Variants in UGT1A5 observed in about 807,000 individuals in gnomAD.
The protein encoded by UGT1A5 is UDP glucuronosyltransferase family 1 member A5.
Under a neutral mutation model 40.3 loss-of-function variants are expected in UGT1A5, and 29 were observed. The ratio of observed to expected loss-of-function variants is 0.72; its 90% CI spans 0.54 to 0.98. UGT1A5 has a LOEUF of 0.98. Ranked by LOEUF, UGT1A5 falls within the 50% of genes least tolerant of loss-of-function variation. UGT1A5 has a pLI of 0.00. For synonymous variants in UGT1A5, 257 were observed against 262.5 expected (o/e 0.98, Z 0.20); for missense variants, 678 against 677.9 (o/e 1.00, Z 0.00).
At chr2:233,758,509 A>G (rs1575759497) in intron 1 of UGT1A5, among the ~76,000 whole-genome samples, 1 of 152,232 alleles carries the variant, frequency 6.6e-6, no homozygotes, top group Non-Finnish European at 1.5e-5. Context: ...TAATAAGGAC[A>G]CAACAAAGAG....
chr2:233,747,775 C>G (rs1325525681), intron 1 of UGT1A5: 1 of 1,613,320 alleles, frequency 6.2e-7, no homozygotes, highest in Non-Finnish European at 8.5e-7. Context: ...ACACAGTGTC[C>G]AAATCCTTCC....
chr2:233,728,626 G>A (rs1336617432), intron 1 of UGT1A5, among the ~76,000 whole-genome samples: 2 of 152,180 alleles, frequency 1.3e-5, no homozygotes, highest in Admixed American at 6.5e-5. Flanking sequence ...GAGAAAGCTG[G>A]CTTAGCAATG....
chr2:233,731,410 T>C (rs2078155663), intron 1 of UGT1A5, among the ~76,000 whole-genome samples: 1 of 152,132 alleles, frequency 6.6e-6, no homozygotes. Flanking sequence ...ACATTAGGTA[T>C]TTTTCCTAAT....
intron 1 of UGT1A5, chr2:233,747,078 A>G (rs1246065129): frequency 1.2e-5 from 13 of 1,085,828 alleles, no homozygotes; most frequent in Admixed American, 7.9e-5. Context: ...ATAATTAACT[A>G]GGAGGAGAGC....
At chr2:233,772,118 A>G (rs186997429) in intron 4 of UGT1A5, 144 bp from the exon 5 acceptor site, 177 of 1,520,864 alleles carry the variant, frequency 1.2e-4, no homozygotes, top group Non-Finnish European at 1.4e-4. Flanking sequence ...GTATCTAAAA[A>G]CAACAACAAC....
At chr2:233,743,729 T>C (rs767611267) in intron 1 of UGT1A5, 12 of 1,367,246 alleles carry the variant, frequency 8.8e-6, no homozygotes, top group South Asian at 2.3e-5. Flanking sequence ...GTCATAGATA[T>C]CGCGTTTCTT....
intron 4 of UGT1A5, 67 bp from the exon 5 acceptor site, chr2:233,772,195 G>A (rs1700480706): frequency 1.9e-6 from 3 of 1,602,230 alleles, no homozygotes; most frequent in Non-Finnish European, 2.6e-6. Flanking sequence ...AAGCAGCCAT[G>A]AGCATAAAGA....
chr2:233,713,308 T>A lies in UGT1A5; in HGVS notation c.317T>A (p.Leu106His). 1 of 1,614,228 alleles carries A rather than the reference T, an allele frequency of 6.2e-7. No individual in the cohort carries two copies. Among genetic ancestry groups the A allele is most frequent in the Non-Finnish European group, 8.5e-7 (1 of 1,180,030 alleles). ...HTQSFFETEH[L>H]LMKFSRRMAI... ...CAATCGTTCTTTGAAACAGAACATC[T>A]TCTGATGAAATTTTCTAGAAGAATG... Residue 106 changes from leucine (L) to histidine (H), a missense_variant, in exon 1 of 5, where the codon CTT becomes CAT. Coordinates refer to ENST00000373414, the MANE Select transcript of UGT1A5 (RefSeq NM_019078.2).
chr2:233,729,068 AG>A, intron 1 of UGT1A5: 1 of 1,611,394 alleles, frequency 6.2e-7, no homozygotes, highest in Non-Finnish European at 8.5e-7. Context: ...AGATGAAGAA[AG>A]CAAATGTAGC....
chr2:233,743,834 A>G lies in UGT1A5; in HGVS notation c.868-23200A>G, dbSNP rs1692538057. 1 of 1,366,970 alleles carries G rather than the reference A, an allele frequency of 7.3e-7. No homozygotes were observed. Among genetic ancestry groups the G allele is most frequent in the South Asian group, 1.1e-5 (1 of 88,054 alleles). The allele number at this position is 1,366,970 out of a possible 1,614,324, so 84.7% of individuals were successfully genotyped here. On this transcript the variant is annotated intron_variant, in intron 1 of 4. Coordinates refer to ENST00000373414, the MANE Select transcript of UGT1A5 (RefSeq NM_019078.2). ...AGGGTTTTTGTCGGGGTGCCACTTG[A>G]GCGCCAGCTTGCGGTACGCCTTCTT...
rs1700546112 is a variant in UGT1A5 at position 233,772,763 on chromosome 2, C to T, written c.*204C>T. ...TAAAGATATTTGAATATGTATCGTGCCCCCTCTGGTGTCTTTGATCAGGAT... is the reference window on the plus strand; with the variant it reads ...TAAAGATATTTGAATATGTATCGTGTCCCCTCTGGTGTCTTTGATCAGGAT... On this transcript the variant is annotated 3_prime_UTR_variant, in exon 5 of 5. Transcript: ENST00000373414. 1 of 1,384,392 alleles carries T rather than the reference C, an allele frequency of 7.2e-7. No individual in the cohort carries two copies. Among genetic ancestry groups the T allele is most frequent in the South Asian group, 1.5e-5 (1 of 65,502 alleles). The allele number at this position is 1,384,392 out of a possible 1,614,324, so 85.8% of individuals were successfully genotyped here. A position where few individuals can be genotyped will look rare whatever the true frequency, so the allele number is the denominator to read the frequency against.
intron 1 of UGT1A5, chr2:233,756,051 T>C (rs1176679443): frequency 6.6e-6 from 1 of 152,238 alleles, no homozygotes; most frequent in Non-Finnish European, 1.5e-5. Context: ...AAAACTCCAC[T>C]GTACACTTGT....
At position 233,713,131 on chromosome 2, in the gene UGT1A5, C is replaced by T. The variant is rs550853040; in HGVS notation, c.140C>T (p.Ala47Val). ...DGSHWLSMRE[A>V]LRDLHARGHQ... ...AGCCACTGGCTCAGCATGCGGGAGGCCTTGCGGGACCTCCATGCGAGAGGC... is the reference window on the plus strand; with the variant it reads ...AGCCACTGGCTCAGCATGCGGGAGGTCTTGCGGGACCTCCATGCGAGAGGC... The change falls in exon 1 of 5, where the codon GCC becomes GTC. Residue 47 changes from alanine to valine, a missense_variant. By Grantham distance (64) the Ala-to-Val change is moderately conservative (BLOSUM62 0). Transcript: ENST00000373414. The T allele has an allele frequency of 2.1e-4, 341 of 1,613,802 alleles. 2 individuals carry two copies. The South Asian group carries it at 3.5e-3, about 17-fold the overall frequency.
At chr2:233,746,445 G>GA (rs776336389) in intron 1 of UGT1A5, among the ~76,000 whole-genome samples, 23 of 151,700 alleles carry the variant, frequency 1.5e-4, no homozygotes, top group Non-Finnish European at 2.9e-4. Flanking sequence ...AGCTTAAAAA[G>GA]AAAGTACCTT....
rs17868333 is a variant in UGT1A5 at position 233,713,636 on chromosome 2, C to T, written c.645C>T (p.Leu215=). Residue 215 remains leucine, a synonymous_variant, in exon 1 of 5, where the codon CTC becomes CTT. Coordinates refer to ENST00000373414, the MANE Select transcript of UGT1A5 (RefSeq NM_019078.2). ...TCCTGCAAAGGGTCAAGAACATGCT[C>T]TACCCTCTGGCCCTGTCCTACCTTT... ...MTFLQRVKNM[L]YPLALSYLCH... is the part of the protein sequence containing the mutation. The T allele has an allele frequency of 0.098, 157,928 of 1,613,758 alleles. 8,751 individuals are homozygous for T. The highest frequency in any genetic ancestry group is 0.2 in the South Asian group (17,771 of 91,048).
intron 1 of UGT1A5, among the ~76,000 whole-genome samples, chr2:233,756,939 C>G (rs1402557459): frequency 1.3e-5 from 2 of 151,990 alleles, no homozygotes; most frequent in African/African-American, 4.8e-5. Flanking sequence ...GTTACATAAC[C>G]TGAAACCCGG....
Position 233,772,576 on chromosome 2 carries a change from A to G in UGT1A5, c.*17A>G. The stretch of plus-strand genomic sequence containing the variant: ...ACCCATTGAGAAGTGGGTGGGAAAT[A>G]AGGTAAAATTTTGAACCATTCCCTA... On this transcript the variant is annotated 3_prime_UTR_variant, in exon 5 of 5. Transcript: ENST00000373414. 6.2e-7 allele frequency: 1 copy of G among 1,610,732 alleles called. No homozygotes were observed. Among genetic ancestry groups the G allele is most frequent in the Non-Finnish European group, 8.5e-7 (1 of 1,178,228 alleles).
intron 1 of UGT1A5, among the ~76,000 whole-genome samples, chr2:233,738,578 G>A (rs893369002): frequency 6.6e-6 from 1 of 152,224 alleles, no homozygotes; most frequent in African/African-American, 2.4e-5. Context: ...GAGAACTGGA[G>A]CAAAGGTCAC....
chr2:233,752,761 A>G (rs1341964292), intron 1 of UGT1A5, among the ~76,000 whole-genome samples: 3 of 152,266 alleles, frequency 2.0e-5, no homozygotes, highest in African/African-American at 7.2e-5. Context: ...AAACAAACAA[A>G]CAAACAAACA....
Sources: allele counts gnomAD v4.1 joint callset (sites outside exome capture counted in the v4.1 genomes callset), GRCh38; gene constraint gnomAD v4.1.1; transcripts MANE v1.5; gene names NCBI Gene and HGNC (gene_info 2026-07-23, HGNC 2026-07-21).